SORCS3: variants seen among roughly 807,000 people sequenced by gnomAD.
The protein encoded by SORCS3 is VPS10 domain-containing receptor SorCS3.
Under a neutral mutation model 146.3 loss-of-function variants are expected in SORCS3, and 57 were observed. That is an observed-to-expected ratio of 0.39 (90% confidence interval 0.31 to 0.49). SORCS3 has a LOEUF of 0.49. Among genes scored for constraint, SORCS3 ranks in the 20% least tolerant of loss-of-function variants. The pLI, the probability that SORCS3 is intolerant of heterozygous loss-of-function variation, is 0.92. For missense variants in SORCS3, 1,341 were observed against 1,575.5 expected (o/e 0.85, Z 2.52); for synonymous variants, 653 against 618.5 (o/e 1.06, Z -0.83).
intron 4 of SORCS3, among the ~76,000 whole-genome samples, chr10:105,009,624 C>T (rs1420516514): frequency 6.7e-6 from 1 of 148,906 alleles, no homozygotes; most frequent in East Asian, 2.0e-4. Context: ...GAAAGGAAAA[C>T]AGTTAATCTG....
rs190254362 is a variant in SORCS3 at position 105,110,890 on chromosome 10, T to C, written c.1212+5375T>C. On this transcript the variant is annotated intron_variant, in intron 7 of 26. Coordinates refer to ENST00000369701, the MANE Select transcript of SORCS3 (RefSeq NM_014978.3). Reference sequence around the variant, plus strand: ...TACTAATTGATTTTCTTCTCCCAGATCAACACCAACCTTCCCCACCAGCCA... The same window carrying C: ...TACTAATTGATTTTCTTCTCCCAGACCAACACCAACCTTCCCCACCAGCCA... Among the ~76,000 whole-genome samples the C allele has an allele frequency of 2.8e-3, 425 of 152,318 alleles. 2 individuals carry two copies. Among genetic ancestry groups the C allele is most frequent in the Non-Finnish European group, 5.0e-3 (342 of 68,024 alleles).
chr10:105,035,695 T>C (rs1361351377), intron 4 of SORCS3, among the ~76,000 whole-genome samples: 4 of 152,194 alleles, frequency 2.6e-5, no homozygotes, highest in African/African-American at 9.6e-5. Context: ...CTCGAACTCC[T>C]GACCTTGTGA....
chr10:104,902,158 A>G (rs978753614), intron 2 of SORCS3, among the ~76,000 whole-genome samples: 1 of 152,216 alleles, frequency 6.6e-6, no homozygotes, highest in Non-Finnish European at 1.5e-5. Flanking sequence ...AATCAACCAT[A>G]ACTCATGGGG....
At chr10:104,904,581 ATGT>A (rs1407027648) in intron 2 of SORCS3, among the ~76,000 whole-genome samples, 1 of 152,110 alleles carries the variant, frequency 6.6e-6, no homozygotes, top group Non-Finnish European at 1.5e-5. Flanking sequence ...ATACACTGGA[ATGT>A]TGTAAGGCTT....
At chr10:104,798,655 C>T (rs371218618) in intron 1 of SORCS3, among the ~76,000 whole-genome samples, 61 of 152,274 alleles carry the variant, frequency 4.0e-4, no homozygotes, top group African/African-American at 1.5e-3. Flanking sequence ...ACCATATAAT[C>T]TAGTGCTCAT....
At position 104,651,553 on chromosome 10, in the gene SORCS3, A is replaced by AC. The variant is rs1202117372; in HGVS notation, c.627+9599_627+9600insC. ...TCTACTAAAAAAAAAAAAAAAAAAA[A>AC]ACACAAAAATTAGCTGGTGGCACAT... On this transcript the variant is annotated intron_variant, in intron 1 of 26. Coordinates refer to ENST00000369701, the MANE Select transcript of SORCS3 (RefSeq NM_014978.3). Among the ~76,000 whole-genome samples the AC allele has an allele frequency of 3.8e-3, 581 of 150,982 alleles. 4 individuals carry two copies. Among genetic ancestry groups the AC allele is most frequent in the African/African-American group, 0.013 (526 of 41,100 alleles).
chr10:104,903,762 T>C (rs1412863512), intron 2 of SORCS3, among the ~76,000 whole-genome samples: 1 of 152,150 alleles, frequency 6.6e-6, no homozygotes, highest in Non-Finnish European at 1.5e-5. Flanking sequence ...TTCTTATGAG[T>C]GTACAGTGGA....
intron 1 of SORCS3, among the ~76,000 whole-genome samples, chr10:104,655,292 T>C (rs2015614324): frequency 6.6e-6 from 1 of 151,890 alleles, no homozygotes; most frequent in Non-Finnish European, 1.5e-5. Flanking sequence ...AATTTTAGCT[T>C]CGGGGGTACA....
At chr10:104,645,207 C>A (rs778986163) in intron 1 of SORCS3, among the ~76,000 whole-genome samples, 1 of 152,148 alleles carries the variant, frequency 6.6e-6, no homozygotes, top group Non-Finnish European at 1.5e-5. Flanking sequence ...GAGCGATTTG[C>A]TATTTTTTCT....
intron 8 of SORCS3, among the ~76,000 whole-genome samples, chr10:105,141,963 A>C (rs1413107090): frequency 6.6e-6 from 1 of 152,178 alleles, no homozygotes; most frequent in Non-Finnish European, 1.5e-5. Flanking sequence ...AGTCAAGTGT[A>C]AAGTGTTCGA....
intron 16 of SORCS3, among the ~76,000 whole-genome samples, chr10:105,207,223 G>C (rs779925626): frequency 2.6e-5 from 4 of 151,638 alleles, no homozygotes; most frequent in African/African-American, 4.8e-5. Flanking sequence ...CAACTTAGGA[G>C]ACTGGATCCA....
chr10:104,912,917 T>C (rs1373505311), intron 2 of SORCS3, among the ~76,000 whole-genome samples: 1 of 152,050 alleles, frequency 6.6e-6, no homozygotes, highest in Admixed American at 6.5e-5. Context: ...TGGAATTAGA[T>C]GTTGAGGGTT....
At chr10:105,198,656 G>A (rs551349693) in intron 14 of SORCS3, among the ~76,000 whole-genome samples, 1 of 152,266 alleles carries the variant, frequency 6.6e-6, no homozygotes, top group African/African-American at 2.4e-5. Context: ...AGTTAGGTTT[G>A]CTTTGCTCCA....
chr10:104,986,444 T>A (rs370628405), intron 4 of SORCS3, among the ~76,000 whole-genome samples: 2 of 152,202 alleles, frequency 1.3e-5, no homozygotes, highest in East Asian at 3.8e-4. Flanking sequence ...GCTGTTTAAT[T>A]TTCTTATCAT....
At chr10:104,835,995 A>G (rs184118978) in intron 1 of SORCS3, among the ~76,000 whole-genome samples, 275 of 152,320 alleles carry the variant, frequency 1.8e-3, no homozygotes, top group Middle Eastern at 0.01. Flanking sequence ...GGGCACATGC[A>G]GGAGTGTGCG....
chr10:104,956,525 AAG>A (rs1482133305), intron 3 of SORCS3, among the ~76,000 whole-genome samples: 1 of 152,200 alleles, frequency 6.6e-6, no homozygotes, highest in Admixed American at 6.5e-5. Flanking sequence ...TATATGTGAC[AAG>A]AGTTTTCCAA....
intron 3 of SORCS3, among the ~76,000 whole-genome samples, chr10:104,943,375 C>T (rs1239806311): frequency 6.6e-6 from 1 of 152,170 alleles, no homozygotes; most frequent in Non-Finnish European, 1.5e-5. Context: ...ATCCACCTGC[C>T]TCGGTCTCCC....
intron 16 of SORCS3, among the ~76,000 whole-genome samples, chr10:105,202,740 T>G (rs2056581380): frequency 6.6e-6 from 1 of 152,192 alleles, no homozygotes; most frequent in African/African-American, 2.4e-5. Context: ...ATTGTTCCTT[T>G]TAGGAGGGTC....
intron 8 of SORCS3, among the ~76,000 whole-genome samples, chr10:105,140,345 ACT>A (rs1164685610): frequency 6.6e-6 from 1 of 151,746 alleles, no homozygotes; most frequent in Admixed American, 6.6e-5. Context: ...GTATTCATTC[ACT>A]CTTTTATGCA....
Sources: gnomAD v4.1 joint callset for allele counts (sites outside exome capture counted in the v4.1 genomes callset) on GRCh38, gnomAD v4.1.1 for gene constraint, MANE v1.5 for transcripts, NCBI Gene and HGNC (gene_info 2026-07-23, HGNC 2026-07-21) for gene names.